KCNN3: variants seen among roughly 807,000 people sequenced by gnomAD.
The protein encoded by KCNN3 is small conductance calcium-activated potassium channel protein 3.
A neutral mutation model predicts 62.9 loss-of-function variants in KCNN3; 16 were observed. The observed-to-expected ratio is 0.25, with a 90% CI of 0.17 to 0.39. The LOEUF (loss-of-function observed/expected upper bound fraction) is 0.39, where lower values mean the gene tolerates loss of function less well. KCNN3 is among the 10% of genes least tolerant of loss of function. KCNN3 has a pLI of 1.00. For missense variants in KCNN3, 599 were observed against 949.4 expected, an observed-to-expected ratio of 0.63 and a Z score of 4.85; for synonymous variants, 370 against 389.2, an observed-to-expected ratio of 0.95 and a Z score of 0.58.
chr1:154,794,846 C>A (rs968273978), intron 2 of KCNN3, among the ~76,000 whole-genome samples: 1 of 152,268 alleles, frequency 6.6e-6, no homozygotes, highest in East Asian at 1.9e-4. Context: ...AGCATGGGAA[C>A]CCAGTAGCGA....
At chr1:154,800,817 G>A (rs946445308) in intron 2 of KCNN3, among the ~76,000 whole-genome samples, 2 of 152,198 alleles carry the variant, frequency 1.3e-5, no homozygotes, top group African/African-American at 4.8e-5. Context: ...GGCCAAGTCA[G>A]GCAGATGGCT....
intron 5 of KCNN3, among the ~76,000 whole-genome samples, chr1:154,718,131 A>G (rs965593465): frequency 2.0e-5 from 3 of 152,228 alleles, no homozygotes; most frequent in Non-Finnish European, 2.9e-5. Context: ...AGCAAGCCAG[A>G]AAGAGTGGCT....
chr1:154,786,500 T>C (rs1557975851), intron 2 of KCNN3, among the ~76,000 whole-genome samples: 1 of 152,232 alleles, frequency 6.6e-6, no homozygotes, highest in African/African-American at 2.4e-5. Flanking sequence ...TGTATTGACT[T>C]AGAAAATGTT....
At chr1:154,722,968 G>A (rs1700388814) in intron 5 of KCNN3, among the ~76,000 whole-genome samples, 1 of 151,896 alleles carries the variant, frequency 6.6e-6, no homozygotes, top group Admixed American at 6.6e-5. Flanking sequence ...CTGACCTCAT[G>A]ATCCACCCAC....
rs140455860 is a variant in KCNN3, at chr1:154,772,388, G to A, written c.1035C>T (p.Phe345=). The A allele has an allele frequency of 4.6e-5, 75 of 1,613,940 alleles. No homozygotes were observed. Among genetic ancestry groups the A allele is most frequent in the Non-Finnish European group, 5.8e-5 (69 of 1,179,988 alleles). The change falls in exon 3 of 8, where the codon TTC becomes TTT. Residue 345 remains phenylalanine, a synonymous_variant. Transcript: ENST00000271915. This position sits in a 1 kb window ranked among gnomAD's most constrained non-coding sequence, Gnocchi z 5.6. ...IAYHTREVQL[F]VIDNGADDWR... ...AGTCATCCGCGCCATTGTCGATCAC[G>A]AAGAGCTGGTGGGAGCAGAAAGTCC...
chr1:154,710,397 T>C (rs7553572), intron 7 of KCNN3, among the ~76,000 whole-genome samples: 152,337 of 152,338 alleles, frequency 1, 76,168 homozygotes, highest in Non-Finnish European at 1. Context: ...GAGGAAAAGA[T>C]AAAGACTGGG....
Position 154,848,339 on chromosome 1 carries a change from C to G in KCNN3, c.933+20693G>C, listed in dbSNP as rs60328853. 7.2e-3 allele frequency among the ~76,000 whole-genome samples: 1,090 copies of G among 152,268 alleles called. 12 individuals carry two copies. The highest frequency in any genetic ancestry group is 0.026 in the African/African-American group (1,063 of 41,552). ...CTGCCTGCCTCCCCAGACCTCCCCC[C>G]ATATCTTCCCTTCCCACTGCCCCGA... On this transcript the variant is annotated intron_variant, in intron 1 of 7. Coordinates refer to ENST00000271915, the MANE Select transcript of KCNN3 (RefSeq NM_002249.6).
At chr1:154,822,254 G>C in intron 1 of KCNN3, 70 bp from the exon 2 acceptor site, 1 of 1,174,320 alleles carries the variant, frequency 8.5e-7, no homozygotes, top group Non-Finnish European at 1.3e-6. Context: ...TTCTGCGGCT[G>C]TGTAAAAGAG....
rs200173942 is a variant in KCNN3, at chr1:154,815,648, G to A, written c.1029+6441C>T. 7.9e-5 allele frequency among the ~76,000 whole-genome samples: 12 copies of A among 152,320 alleles called. No individual in the cohort carries two copies. In the East Asian group the frequency reaches 1.3e-3, roughly 17 times the overall value. On this transcript the variant is annotated intron_variant, in intron 2 of 7. Transcript: ENST00000271915. ...ATAAATGTTTGTTGAATAAGTAAAC[G>A]AATGAATGGACTCACCATTTTTATA...
intron 2 of KCNN3, among the ~76,000 whole-genome samples, chr1:154,788,876 G>A (rs893120756): frequency 2.6e-5 from 4 of 152,266 alleles, no homozygotes; most frequent in African/African-American, 9.6e-5. Flanking sequence ...TGAAAGATGA[G>A]GAAACTGAGG....
chr1:154,828,366 T>A (rs1208963170), intron 1 of KCNN3, among the ~76,000 whole-genome samples: 1 of 150,432 alleles, frequency 6.6e-6, no homozygotes, highest in Non-Finnish European at 1.5e-5. Flanking sequence ...TTCTTAGGAG[T>A]TTTCTTTTCC....
rs941043696 is a variant in KCNN3 at position 154,701,066 on chromosome 1, G to C, written c.*6910C>G. 4 of 152,066 alleles carry C rather than the reference G, an allele frequency of 2.6e-5. No homozygotes were observed. Among genetic ancestry groups the C allele is most frequent in the Admixed American group, 6.6e-5 (1 of 15,266 alleles). The allele number at this position is 152,066 out of a possible 1,614,324, so 9.4% of individuals were successfully genotyped here. A position where few individuals can be genotyped will look rare whatever the true frequency, so the allele number is the denominator to read the frequency against. On this transcript the variant is annotated 3_prime_UTR_variant, in exon 8 of 8. Transcript: ENST00000271915. ...TTAGCTCCATAACAAGAAAACTTGT[G>C]TACAAGTTAGGGCTCAGCTACACAA...
chr1:154,716,511 T>C (rs901999771), intron 5 of KCNN3, among the ~76,000 whole-genome samples: 3 of 152,260 alleles, frequency 2.0e-5, no homozygotes, highest in Admixed American at 6.5e-5. Flanking sequence ...AAACATTGTT[T>C]TGCAGGCTGA....
At chr1:154,860,399 G>C (rs972509777) in intron 1 of KCNN3, among the ~76,000 whole-genome samples, 1 of 152,040 alleles carries the variant, frequency 6.6e-6, no homozygotes, top group African/African-American at 2.4e-5. Context: ...CTGGCCCCAC[G>C]GGTTTATTTT....
At chr1:154,825,588 G>C (rs1169334451) in intron 1 of KCNN3, among the ~76,000 whole-genome samples, 1 of 151,226 alleles carries the variant, frequency 6.6e-6, no homozygotes, top group African/African-American at 2.4e-5. Context: ...GGATGGTCTC[G>C]ATCTCCTGGC....
intron 3 of KCNN3, among the ~76,000 whole-genome samples, chr1:154,753,170 A>T (rs1373250832): frequency 6.6e-6 from 1 of 152,240 alleles, no homozygotes; most frequent in Non-Finnish European, 1.5e-5. Flanking sequence ...AACTATATTC[A>T]CATCTACTTA....
intron 3 of KCNN3, among the ~76,000 whole-genome samples, chr1:154,766,351 A>G (rs1322053462): frequency 2.0e-5 from 3 of 147,648 alleles, no homozygotes; most frequent in Non-Finnish European, 3.0e-5. Flanking sequence ...TCCATTATAC[A>G]TATATTTATT....
intron 3 of KCNN3, among the ~76,000 whole-genome samples, chr1:154,737,566 G>A (rs1700738141): frequency 6.6e-6 from 1 of 151,954 alleles, no homozygotes; most frequent in Non-Finnish European, 1.5e-5. Context: ...AAGGAACTCT[G>A]GATCAAATAC....
chr1:154,735,611 C>T (rs780963373), intron 3 of KCNN3, among the ~76,000 whole-genome samples: 2 of 152,142 alleles, frequency 1.3e-5, no homozygotes, highest in African/African-American at 4.8e-5. Flanking sequence ...AGGCTGGTGG[C>T]TCCCAACTCT....
Sources: gnomAD v4.1 joint callset for allele counts (sites outside exome capture counted in the v4.1 genomes callset) on GRCh38, gnomAD v4.1.1 for gene constraint, Gnocchi (gnomAD v3.1) non-coding constraint, MANE v1.5 for transcripts, NCBI Gene and HGNC (gene_info 2026-07-23, HGNC 2026-07-21) for gene names.